PCNX2: variants seen among roughly 807,000 people sequenced by gnomAD.
The protein encoded by PCNX2 is pecanex 2.
A neutral mutation model predicts 223.8 loss-of-function variants in PCNX2; 168 were observed. The observed-to-expected ratio is 0.75, with a 90% CI of 0.66 to 0.85. The LOEUF is 0.85. Ranked by LOEUF, PCNX2 falls within the 40% of genes least tolerant of loss-of-function variation. The pLI is 0.00. For synonymous variants in PCNX2, 1,006 were observed against 1,052.6 expected, an observed-to-expected ratio of 0.96 and a Z score of 0.86; for missense variants, 2,507 against 2,675.5, an observed-to-expected ratio of 0.94 and a Z score of 1.39.
intron 25 of PCNX2, among the ~76,000 whole-genome samples, chr1:233,028,055 AT>A (rs1558173768): frequency 6.6e-6 from 1 of 152,156 alleles, no homozygotes; most frequent in Non-Finnish European, 1.5e-5. Context: ...TATGATGTAC[AT>A]TTTTGTAAGT....
In PCNX2 at chr1:232,984,396, C is replaced by G. The variant is rs768622943; in HGVS notation, c.6322G>C (p.Asp2108His). Residue 2108 changes from aspartate to histidine, a missense_variant, in exon 34 of 34, where the codon GAC becomes CAC. This residue lies in a region of PCNX2 where 1,372 missense variants were observed against 1,509.4 expected (regional missense o/e 0.91). Transcript: ENST00000258229. ...HDRCLAEAVA[D>H]TLGVVCRRAS... ...CTCCTGCAGACAACCCCGAGAGTGTCCGCCACAGCCTCAGCCAGACATCGG... is the reference window on the plus strand; with the variant it reads ...CTCCTGCAGACAACCCCGAGAGTGTGCGCCACAGCCTCAGCCAGACATCGG... The G allele has an allele frequency of 8.1e-6, 13 of 1,613,624 alleles. No homozygotes were observed. Among genetic ancestry groups the G allele is most frequent in the African/African-American group, 2.7e-5 (2 of 74,884 alleles).
At chr1:233,323,893 C>A in the PCNX2 span, among the ~76,000 whole-genome samples, 1 of 152,148 alleles carries the variant, frequency 6.6e-6, no homozygotes, top group Non-Finnish European at 1.5e-5. Flanking sequence ...GAGGAAGGCA[C>A]GTGAAAAGCC....
intron 10 of PCNX2, among the ~76,000 whole-genome samples, chr1:233,222,351 G>T (rs1027264814): frequency 1.3e-5 from 2 of 152,116 alleles, no homozygotes; most frequent in African/African-American, 4.8e-5. Context: ...CCATTGCTGG[G>T]CAGTCGGTAA....
chr1:233,144,122 A>G (rs1677286604), intron 19 of PCNX2, among the ~76,000 whole-genome samples: 1 of 151,994 alleles, frequency 6.6e-6, no homozygotes, highest in African/African-American at 2.4e-5. Context: ...TTGAGGCTGT[A>G]ATAAGCCGTG....
chr1:232,999,413 G>A (rs1480872843), intron 30 of PCNX2, 34 bp from the exon 31 acceptor site: 1 of 1,547,042 alleles, frequency 6.5e-7, no homozygotes, highest in Non-Finnish European at 8.7e-7. Context: ...AAGAAAGGCA[G>A]AAGGCCTGTG....
the PCNX2 span, among the ~76,000 whole-genome samples, chr1:233,315,307 C>T: frequency 1.3e-5 from 2 of 152,184 alleles, no homozygotes; most frequent in African/African-American, 4.8e-5. Context: ...ACCGGAACTA[C>T]ACAGATTGTG....
chr1:233,029,350 T>C (rs1299955065), intron 25 of PCNX2, among the ~76,000 whole-genome samples: 5 of 152,232 alleles, frequency 3.3e-5, no homozygotes, highest in Non-Finnish European at 5.9e-5. Flanking sequence ...GTTATTTGTA[T>C]TATTGTTGTC....
At chr1:233,091,738 A>AT (rs1489023475) in intron 22 of PCNX2, among the ~76,000 whole-genome samples, 10 of 150,708 alleles carry the variant, frequency 6.6e-5, no homozygotes, top group Non-Finnish European at 1.3e-4. Flanking sequence ...CCCTCAAAAA[A>AT]AAAAAAAAAA....
chr1:233,066,660 C>A (rs1353085418), intron 23 of PCNX2, among the ~76,000 whole-genome samples: 1 of 152,222 alleles, frequency 6.6e-6, no homozygotes, highest in African/African-American at 2.4e-5. Flanking sequence ...GATATGGGAT[C>A]CAGGCCAGTA....
intron 23 of PCNX2, among the ~76,000 whole-genome samples, chr1:233,062,957 C>T (rs72762085): frequency 0.11 from 16,047 of 151,978 alleles, 938 homozygotes; most frequent in East Asian, 0.16. Flanking sequence ...AAGAAGAGGC[C>T]GGGCACGGTG....
At chr1:233,148,430 C>CTT (rs3033312) in intron 19 of PCNX2, among the ~76,000 whole-genome samples, 4 of 144,112 alleles carry the variant, frequency 2.8e-5, no homozygotes, top group East Asian at 4.0e-4. Flanking sequence ...TTTTTCTTTT[C>CTT]TTTTTTTTTT....
intron 25 of PCNX2, among the ~76,000 whole-genome samples, chr1:233,034,134 C>T (rs1344229896): frequency 6.6e-6 from 1 of 152,168 alleles, no homozygotes; most frequent in African/African-American, 2.4e-5. Context: ...ATTGCTTGAA[C>T]CCGGGAGGCG....
chr1:233,062,266 T>C (rs1363859622), intron 23 of PCNX2, among the ~76,000 whole-genome samples: 3 of 152,226 alleles, frequency 2.0e-5, no homozygotes. Flanking sequence ...ATTTTCTATA[T>C]GTATATGTGT....
rs566492033 is a variant in PCNX2 at position 233,106,677 on chromosome 1, G to T, written c.3838-10814C>A. On this transcript the variant is annotated intron_variant, in intron 21 of 33. Transcript: ENST00000258229. The stretch of plus-strand genomic sequence containing the variant: ...TATAATCTTGTGTGTAGCGAATCCT[G>T]CCCTTGGGAAATGGGTATGACAGCC... Among the ~76,000 whole-genome samples the T allele has an allele frequency of 1.7e-4, 26 of 152,204 alleles. 1 individual carries two copies. In the South Asian group the frequency reaches 3.5e-3, roughly 21 times the overall value.
chr1:233,174,527 C>A (rs1679356534), intron 17 of PCNX2, among the ~76,000 whole-genome samples: 1 of 151,794 alleles, frequency 6.6e-6, no homozygotes, highest in Non-Finnish European at 1.5e-5. Flanking sequence ...TCAAAGGAAG[C>A]TTAAGAACCC....
intron 1 of PCNX2, among the ~76,000 whole-genome samples, chr1:233,286,351 C>T (rs548839047): frequency 2.0e-4 from 30 of 151,790 alleles, no homozygotes; most frequent in Non-Finnish European, 2.2e-4. Flanking sequence ...AGCCCCCTAC[C>T]ATTTGGGTTG....
rs114434634 is a variant in PCNX2, at chr1:233,279,943, G to A, written c.153+15383C>T. 6.4e-3 allele frequency among the ~76,000 whole-genome samples: 977 copies of A among 152,186 alleles called. 13 individuals carry two copies. The highest frequency in any genetic ancestry group is 0.022 in the African/African-American group (919 of 41,524). ...CACCTGTTCTTTACCTCCTTCTATA[G>A]GTAACTATGTTCTTATTAACGTTTT... On this transcript the variant is annotated intron_variant, in intron 1 of 33. Transcript: ENST00000258229.
chr1:233,120,132 A>T (rs967699559), intron 21 of PCNX2, among the ~76,000 whole-genome samples: 5 of 145,014 alleles, frequency 3.4e-5, no homozygotes, highest in African/African-American at 7.7e-5. Flanking sequence ...ACACCACTGC[A>T]CTCCAGCCTG....
intron 17 of PCNX2, chr1:233,167,709 A>T: frequency 1.0e-6 from 1 of 977,964 alleles, no homozygotes; most frequent in Non-Finnish European, 1.2e-6. Context: ...CTCTTTAAAA[A>T]ATAAAAATAT....
Sources: allele counts gnomAD v4.1 joint callset (sites outside exome capture counted in the v4.1 genomes callset), GRCh38; gene constraint gnomAD v4.1.1; regional missense constraint gnomAD v4.1.1; transcripts MANE v1.5; gene names NCBI Gene and HGNC (gene_info 2026-07-23, HGNC 2026-07-21).